Variants in PCSK5 observed in about 807,000 individuals in gnomAD.
PCSK5 encodes prohormone convertase 5.
In PCSK5, 129 loss-of-function variants were observed where a neutral mutation model predicts 233.2. The observed-to-expected ratio is 0.55, with a 90% CI of 0.48 to 0.64. PCSK5 has a LOEUF of 0.64. Ranked by LOEUF, PCSK5 falls within the 30% of genes least tolerant of loss-of-function variation. The pLI, the probability that PCSK5 is intolerant of heterozygous loss-of-function variation, is 0.00. For missense variants in PCSK5, 2,076 were observed against 2,430.1 expected (o/e 0.85, Z 3.06); for synonymous variants, 825 against 879.2 (o/e 0.94, Z 1.09).
At chr9:76,105,650 G>A (rs1182250151) in intron 8 of PCSK5, among the ~76,000 whole-genome samples, 1 of 152,164 alleles carries the variant, frequency 6.6e-6, no homozygotes, top group African/African-American at 2.4e-5. Flanking sequence ...ATCACATGTC[G>A]AGGTTCAGTA....
chr9:76,164,994 T>C (rs1319092513), intron 12 of PCSK5, among the ~76,000 whole-genome samples: 1 of 152,012 alleles, frequency 6.6e-6, no homozygotes, highest in Non-Finnish European at 1.5e-5. Context: ...AACCAGTTCC[T>C]TTCTCCTTCT....
At chr9:76,249,692 T>C (rs1224015016) in intron 24 of PCSK5, among the ~76,000 whole-genome samples, 4 of 152,004 alleles carry the variant, frequency 2.6e-5, no homozygotes, top group Admixed American at 6.6e-5. Flanking sequence ...AATGACAGAA[T>C]GTAGGAGGAT....
chr9:76,117,787 C>T (rs1240602032), intron 9 of PCSK5, among the ~76,000 whole-genome samples: 1 of 151,982 alleles, frequency 6.6e-6, no homozygotes, highest in Non-Finnish European at 1.5e-5. Context: ...AGTGAGCACT[C>T]GAATTTATTT....
intron 35 of PCSK5, among the ~76,000 whole-genome samples, chr9:76,349,095 C>A (rs1464253494): frequency 7.1e-6 from 1 of 139,990 alleles, no homozygotes; most frequent in Non-Finnish European, 1.6e-5. Context: ...CACAGTGAAA[C>A]CCCGTCTCTA....
chr9:75,946,620 ACT>A (rs1200889636), intron 2 of PCSK5, among the ~76,000 whole-genome samples: 1 of 151,756 alleles, frequency 6.6e-6, no homozygotes, highest in Non-Finnish European at 1.5e-5. Flanking sequence ...ACAGAGTCTC[ACT>A]CTGTCACCCA....
chr9:76,324,969 G>A (rs951040125), intron 32 of PCSK5, among the ~76,000 whole-genome samples: 1 of 152,084 alleles, frequency 6.6e-6, no homozygotes, highest in African/African-American at 2.4e-5. Context: ...CATACTGAGG[G>A]GAAGGTTTTT....
chr9:76,099,521 A>G (rs1034993187), intron 8 of PCSK5, among the ~76,000 whole-genome samples: 9 of 152,172 alleles, frequency 5.9e-5, no homozygotes, highest in South Asian at 4.2e-4. Flanking sequence ...AGTTTTTCCA[A>G]TCTATAAAAC....
intron 7 of PCSK5, among the ~76,000 whole-genome samples, chr9:76,081,435 C>T (rs748645535): frequency 6.6e-6 from 1 of 151,692 alleles, no homozygotes; most frequent in Non-Finnish European, 1.5e-5. Flanking sequence ...GCCTGGGCAA[C>T]AAGAGCAAAA....
At chr9:76,048,153 T>C (rs970699457) in intron 5 of PCSK5, among the ~76,000 whole-genome samples, 3 of 152,212 alleles carry the variant, frequency 2.0e-5, no homozygotes, top group Non-Finnish European at 4.4e-5. Context: ...TTATTTTCAT[T>C]GTATAAAACC....
intron 9 of PCSK5, among the ~76,000 whole-genome samples, chr9:76,118,478 A>G (rs2185227): frequency 0.13 from 19,820 of 151,908 alleles, 1,828 homozygotes; most frequent in East Asian, 0.35. Flanking sequence ...TTGAAATCCA[A>G]AAGATTGAGA....
intron 2 of PCSK5, among the ~76,000 whole-genome samples, chr9:75,962,976 GC>G (rs373012860): frequency 5.9e-5 from 9 of 152,168 alleles, no homozygotes; most frequent in African/African-American, 2.2e-4. Context: ...GGGAACATGG[GC>G]AAAGAATGAA....
chr9:75,892,010 G>A (rs907130242), intron 1 of PCSK5, among the ~76,000 whole-genome samples: 1 of 152,170 alleles, frequency 6.6e-6, no homozygotes, highest in East Asian at 1.9e-4. Context: ...CCTTAAGCGA[G>A]GTCCGCGTGG....
intron 8 of PCSK5, among the ~76,000 whole-genome samples, chr9:76,104,738 A>G (rs966349505): frequency 6.6e-6 from 1 of 152,240 alleles, no homozygotes; most frequent in Admixed American, 6.5e-5. Context: ...GCGGCTGAAG[A>G]ATAAGCAAGG....
chr9:76,257,436 T>C (rs1015756352), intron 24 of PCSK5, among the ~76,000 whole-genome samples: 2 of 152,290 alleles, frequency 1.3e-5, no homozygotes, highest in East Asian at 1.9e-4. Flanking sequence ...GGGCCAACGA[T>C]GAGTGTCAGT....
At chr9:76,352,660 G>A (rs948073574) in intron 36 of PCSK5, among the ~76,000 whole-genome samples, 3 of 151,994 alleles carry the variant, frequency 2.0e-5, no homozygotes, top group African/African-American at 7.2e-5. Context: ...GAGCCACTGC[G>A]CCCGGCAAGA....
At chr9:76,307,916 G>C (rs148454065) in intron 28 of PCSK5, among the ~76,000 whole-genome samples, 2 of 152,058 alleles carry the variant, frequency 1.3e-5, no homozygotes, top group African/African-American at 4.8e-5. Context: ...ATGGTCATCC[G>C]GCCGGGCGCG....
At chr9:76,232,021 T>C (rs892632528) in intron 21 of PCSK5, among the ~76,000 whole-genome samples, 1 of 152,174 alleles carries the variant, frequency 6.6e-6, no homozygotes, top group Non-Finnish European at 1.5e-5. Context: ...GGTATGGGAA[T>C]GAATGAGATG....
chr9:76,304,022 A>G (rs1028948095), intron 28 of PCSK5, among the ~76,000 whole-genome samples: 1 of 152,134 alleles, frequency 6.6e-6, no homozygotes, highest in Admixed American at 6.5e-5. Flanking sequence ...AAATACAAAA[A>G]TTAGCCAGGC....
rs202128002 is a variant in PCSK5, at chr9:76,057,047, T to TA, written c.633-10907dup. On this transcript the variant is annotated intron_variant, in intron 5 of 37. Coordinates refer to ENST00000674117, the MANE Select transcript of PCSK5 (RefSeq NM_001372043.1). ...AATTCATGTGTAGGTACATGTATGT[T>TA]AGAGTGTAATATAATGAATATATTG... 6.0e-3 allele frequency among the ~76,000 whole-genome samples: 912 copies of TA among 152,298 alleles called. 15 individuals carry two copies. Among genetic ancestry groups the TA allele is most frequent in the African/African-American group, 0.021 (882 of 41,570 alleles).
Sources: gnomAD v4.1 joint callset for allele counts (sites outside exome capture counted in the v4.1 genomes callset) on GRCh38, gnomAD v4.1.1 for gene constraint, MANE v1.5 for transcripts, NCBI Gene and HGNC (gene_info 2026-07-23, HGNC 2026-07-21) for gene names.